Variants in RPN2 observed in about 807,000 individuals in gnomAD.
RPN2 encodes ribophorin II, also known as dolichyl-diphosphooligosaccharide--protein glycosyltransferase subunit 2.
Under a neutral mutation model 71.4 loss-of-function variants are expected in RPN2, and 29 were observed. The ratio of observed to expected loss-of-function variants is 0.41; its 90% confidence interval spans 0.30 to 0.55. The LOEUF is 0.55. RPN2 is among the 20% of genes least tolerant of loss of function. The pLI, the probability that RPN2 is intolerant of heterozygous loss-of-function variation, is 0.35. For synonymous variants in RPN2, 308 were observed against 305.0 expected (o/e 1.01, Z -0.10); for missense variants, 726 against 774.1 (o/e 0.94, Z 0.74).
At chr20:37,214,485 G>A (rs2067758434) in intron 9 of RPN2, among the ~76,000 whole-genome samples, 1 of 152,166 alleles carries the variant, frequency 6.6e-6, no homozygotes, top group African/African-American at 2.4e-5. Flanking sequence ...ATCTGGCATG[G>A]TGGCTTTCAT....
chr20:37,203,081 T>C (rs1568974470), intron 4 of RPN2, among the ~76,000 whole-genome samples: 1 of 152,126 alleles, frequency 6.6e-6, no homozygotes, highest in Non-Finnish European at 1.5e-5. Flanking sequence ...TGTGCCACCA[T>C]GCCCAGCTAA....
At position 37,196,523 on chromosome 20, in the gene RPN2, G is replaced by A. The variant is rs556670819; in HGVS notation, c.208-1874G>A. On this transcript the variant is annotated intron_variant, in intron 2 of 16. Coordinates refer to ENST00000237530, the MANE Select transcript of RPN2 (RefSeq NM_002951.5). ...GCTGGTATTACAGGTGTGAGCCACC[G>A]CGCCCAGCCTTTTTCTTTTTTTTGA... Among the ~76,000 whole-genome samples the A allele has an allele frequency of 3.7e-4, 56 of 152,098 alleles. No individual in the cohort carries two copies. The East Asian group carries it at 9.1e-3, about 25-fold the overall frequency.
chr20:37,230,157 TTA>T (rs1319957084), intron 13 of RPN2, 98 bp downstream of exon 13: 5 of 976,912 alleles, frequency 5.1e-6, no homozygotes, highest in Non-Finnish European at 8.3e-6. Flanking sequence ...TTGTGATGTT[TTA>T]TAGTTTGATC....
intron 10 of RPN2, 32 bp downstream of exon 10, chr20:37,224,001 G>A (rs372128801): frequency 7.6e-6 from 12 of 1,580,754 alleles, no homozygotes; most frequent in Non-Finnish European, 9.6e-6. Flanking sequence ...CACTCAGGGA[G>A]CTGAGGCTCA....
intron 10 of RPN2, among the ~76,000 whole-genome samples, chr20:37,224,351 TG>T (rs1462157521): frequency 1.3e-5 from 2 of 152,224 alleles, no homozygotes; most frequent in African/African-American, 4.8e-5. Flanking sequence ...ATTTACATTC[TG>T]GTGCGATCTC....
intron 9 of RPN2, among the ~76,000 whole-genome samples, chr20:37,218,365 A>G (rs1446094723): frequency 1.3e-5 from 2 of 151,984 alleles, no homozygotes; most frequent in Non-Finnish European, 2.9e-5. Context: ...GTGAACTATG[A>G]TCACACTACT....
chr20:37,187,139 T>C (rs974824999), intron 2 of RPN2, among the ~76,000 whole-genome samples: 19 of 152,212 alleles, frequency 1.2e-4, no homozygotes, highest in African/African-American at 4.3e-4. Context: ...TCCAGTCTGA[T>C]AATTTCTACC....
chr20:37,207,513 A>G, intron 7 of RPN2, 64 bp downstream of exon 7: 8 of 1,493,368 alleles, frequency 5.4e-6, no homozygotes, highest in Middle Eastern at 1.7e-4. Context: ...GCTTTCAGAA[A>G]TCTGGACTAT....
chr20:37,216,561 A>C (rs1225779075), intron 9 of RPN2, among the ~76,000 whole-genome samples: 1 of 151,852 alleles, frequency 6.6e-6, no homozygotes, highest in African/African-American at 2.4e-5. Context: ...TCCGGGGTTC[A>C]AGCGATTCTC....
At chr20:37,236,814 G>A in intron 16 of RPN2, 105 bp downstream of exon 16, 1 of 1,191,710 alleles carries the variant, frequency 8.4e-7, no homozygotes, top group Non-Finnish European at 1.2e-6. Context: ...GTGTTCTTAG[G>A]GGCAAGTCTG....
chr20:37,210,649 A>G (rs1312363621), intron 8 of RPN2, among the ~76,000 whole-genome samples: 18 of 151,312 alleles, frequency 1.2e-4, no homozygotes, highest in South Asian at 4.2e-4. Context: ...TCCTGCCTCA[A>G]TCTCCCAAGT....
chr20:37,225,656 C>T (rs1431636619), intron 10 of RPN2, 32 bp from the exon 11 acceptor site: 2 of 1,421,914 alleles, frequency 1.4e-6, no homozygotes, highest in East Asian at 2.3e-5. Context: ...TACTGATCCT[C>T]TCTGAAGACT....
intron 15 of RPN2, among the ~76,000 whole-genome samples, chr20:37,234,685 G>T (rs372969945): frequency 4.8e-5 from 7 of 145,834 alleles, no homozygotes; most frequent in African/African-American, 1.8e-4. Flanking sequence ...TTTGTTCGTT[G>T]TTTTTTTTTT....
Position 37,213,788 on chromosome 20 carries a change from G to T in RPN2, c.1015G>T (p.Val339Phe). The T allele has an allele frequency of 6.2e-7, 1 of 1,613,976 alleles. No homozygotes were observed. Among genetic ancestry groups the T allele is most frequent in the Non-Finnish European group, 8.5e-7 (1 of 1,179,860 alleles). Residue 339 changes from valine (V) to phenylalanine (F), a missense_variant, in exon 9 of 17, where the codon GTC becomes TTC. By Grantham distance (50) the Val-to-Phe change is conservative. Coordinates refer to ENST00000237530, the MANE Select transcript of RPN2 (RefSeq NM_002951.5). ...GDVFELNFMN[V>F]KFSSGYYDFL... ...TGTTTTTGAACTAAATTTCATGAAC[G>T]TCAAATTTTCCAGTGGTTATTATGA...
In RPN2 at chr20:37,192,294, A is replaced by G. The variant is rs541621194; in HGVS notation, c.208-6103A>G. On this transcript the variant is annotated intron_variant, in intron 2 of 16. Transcript: ENST00000237530. Reference sequence around the variant, plus strand: ...CAGAGAATGAGGCAATCCTTCACGCAGTAATCATTTATGGAGCATCTGCTG... The same window carrying G: ...CAGAGAATGAGGCAATCCTTCACGCGGTAATCATTTATGGAGCATCTGCTG... 2.6e-5 allele frequency among the ~76,000 whole-genome samples: 4 copies of G among 152,352 alleles called. No individual in the cohort carries two copies. In the East Asian group the frequency reaches 5.8e-4, roughly 22 times the overall value.
At chr20:37,210,317 A>G in intron 8 of RPN2, 152 bp downstream of exon 8, 1 of 1,452,006 alleles carries the variant, frequency 6.9e-7, no homozygotes, top group South Asian at 1.2e-5. Flanking sequence ...ATGATTTTTA[A>G]AATGAAGATT....
intron 2 of RPN2, among the ~76,000 whole-genome samples, chr20:37,191,161 G>C (rs2067129112): frequency 6.6e-6 from 1 of 152,186 alleles, no homozygotes; most frequent in Admixed American, 6.5e-5. Flanking sequence ...TGTGGAATGA[G>C]AGTTGATTTT....
At chr20:37,227,711 T>C (rs1020018999) in intron 11 of RPN2, among the ~76,000 whole-genome samples, 1 of 152,242 alleles carries the variant, frequency 6.6e-6, no homozygotes, top group Admixed American at 6.5e-5. Flanking sequence ...AATTCTTTAT[T>C]TTGAAACACC....
intron 7 of RPN2, 47 bp downstream of exon 7, chr20:37,207,496 G>GT (rs781233324): frequency 6.4e-7 from 1 of 1,568,514 alleles, no homozygotes; most frequent in Non-Finnish European, 8.8e-7. Flanking sequence ...ATCATTCCTA[G>GT]TGGAAGGCTT....
Sources: allele counts gnomAD v4.1 joint callset (sites outside exome capture counted in the v4.1 genomes callset), GRCh38; gene constraint gnomAD v4.1.1; transcripts MANE v1.5; gene names NCBI Gene and HGNC (gene_info 2026-07-23, HGNC 2026-07-21).